FHIP1A: variants seen among roughly 807,000 people sequenced by gnomAD.
FHIP1A encodes the protein FHF complex subunit HOOK-interacting protein 1A.
In FHIP1A, 61 loss-of-function variants were observed where a neutral mutation model predicts 88.6. The observed-to-expected ratio is 0.69, with a 90% CI of 0.56 to 0.85. The LOEUF (loss-of-function observed/expected upper bound fraction) is 0.85, where lower values mean the gene tolerates loss of function less well. FHIP1A is among the 40% of genes least tolerant of loss of function. The pLI, the probability that FHIP1A is intolerant of heterozygous loss-of-function variation, is 0.00. For synonymous variants in FHIP1A, 478 were observed against 496.0 expected (o/e 0.96, Z 0.48); for missense variants, 1,154 against 1,273.5 (o/e 0.91, Z 1.43).
chr4:151,550,334 C>G (rs961815008), intron 3 of FHIP1A, among the ~76,000 whole-genome samples: 2 of 152,224 alleles, frequency 1.3e-5, no homozygotes, highest in South Asian at 4.1e-4. Flanking sequence ...CTTATTCATT[C>G]TTTCTATTTT....
At chr4:151,657,241 C>T (rs997820022) in intron 13 of FHIP1A, among the ~76,000 whole-genome samples, 1 of 152,100 alleles carries the variant, frequency 6.6e-6, no homozygotes, top group Non-Finnish European at 1.5e-5. Flanking sequence ...TATGCACTCT[C>T]CGAGCCATTT....
chr4:151,475,724 T>G (rs1729674280), intron 2 of FHIP1A, among the ~76,000 whole-genome samples: 1 of 152,156 alleles, frequency 6.6e-6, no homozygotes, highest in Admixed American at 6.5e-5. Flanking sequence ...TCGTACATAT[T>G]AAAAGAATAA....
At chr4:151,614,192 G>A (rs1449237394) in intron 7 of FHIP1A, among the ~76,000 whole-genome samples, 3 of 151,770 alleles carry the variant, frequency 2.0e-5, no homozygotes, top group Admixed American at 1.3e-4. Context: ...TATAAGGCCA[G>A]GCATGCTGGC....
intron 7 of FHIP1A, among the ~76,000 whole-genome samples, chr4:151,596,579 G>T (rs1023985949): frequency 7.9e-5 from 12 of 152,154 alleles, no homozygotes; most frequent in Admixed American, 2.6e-4. Context: ...GTCTTGCTAG[G>T]CTGGGGATGT....
At chr4:151,651,965 G>C (rs1737046842) in intron 11 of FHIP1A, among the ~76,000 whole-genome samples, 1 of 152,166 alleles carries the variant, frequency 6.6e-6, no homozygotes, top group African/African-American at 2.4e-5. Flanking sequence ...TGATAAGGGG[G>C]ACAGGGAAGG....
At chr4:151,586,878 G>A (rs1560784697) in intron 6 of FHIP1A, 79 bp downstream of exon 6, 25 of 1,109,130 alleles carry the variant, frequency 2.3e-5, no homozygotes, top group Non-Finnish European at 2.8e-5. Context: ...ATTTTAAAAC[G>A]TTCATTTTTT....
chr4:151,435,198 TG>T (rs1399828549), intron 1 of FHIP1A, among the ~76,000 whole-genome samples: 4 of 152,148 alleles, frequency 2.6e-5, no homozygotes, highest in Non-Finnish European at 5.9e-5. Context: ...TACTGTGCTG[TG>T]GAACACTGGA....
At chr4:151,606,343 G>A (rs554360557) in intron 7 of FHIP1A, among the ~76,000 whole-genome samples, 2 of 152,276 alleles carry the variant, frequency 1.3e-5, no homozygotes, top group South Asian at 4.2e-4. Context: ...TTTATGCCTG[G>A]TTTCCTATAA....
In FHIP1A at chr4:151,649,724, G is replaced by A. The variant is rs1736938738; in HGVS notation, c.1683G>A (p.Lys561=). 1.3e-6 allele frequency: 2 copies of A among 1,551,556 alleles called. No homozygotes were observed. The highest frequency in any genetic ancestry group is 2.0e-5 in the Admixed American group (1 of 50,988). ...GGCTCCCGCAACAACTCCCCAGGAA[G>A]ACAGGACCTCAGCTGGCTCCCAGAA... ...VFGLPQQLPR[K]TGPQLAPRKD... is the part of the protein sequence containing the mutation. The change falls in exon 11 of 14, where the codon AAG becomes AAA. Residue 561 remains lysine (K), a synonymous_variant. Transcript: ENST00000435205.
In FHIP1A at chr4:151,486,899, T is replaced by C. The variant is rs112720948; in HGVS notation, c.-123+4251T>C. The stretch of plus-strand genomic sequence containing the variant: ...AGGAGAATCACTTGAACCTGGGAGG[T>C]AGAGGTTGCAGTGAGCCGAGACTGC... On this transcript the variant is annotated intron_variant, in intron 3 of 13. Coordinates refer to ENST00000435205, the MANE Select transcript of FHIP1A (RefSeq NM_001109977.3). 3.4e-3 allele frequency among the ~76,000 whole-genome samples: 509 copies of C among 149,932 alleles called. 3 individuals carry two copies. The highest frequency in any genetic ancestry group is 0.012 in the African/African-American group (494 of 40,616).
intron 2 of FHIP1A, among the ~76,000 whole-genome samples, chr4:151,462,166 A>C (rs1382464665): frequency 6.6e-6 from 1 of 152,096 alleles, no homozygotes; most frequent in Non-Finnish European, 1.5e-5. Context: ...GTCTCTAAAA[A>C]ATAAAGTAAA....
intron 7 of FHIP1A, among the ~76,000 whole-genome samples, chr4:151,601,410 G>A (rs1034473954): frequency 6.6e-6 from 1 of 151,920 alleles, no homozygotes; most frequent in East Asian, 1.9e-4. Context: ...AGGTAGATAT[G>A]GTTCCTGTAG....
chr4:151,465,564 C>T (rs2035415392), intron 2 of FHIP1A, among the ~76,000 whole-genome samples: 1 of 152,168 alleles, frequency 6.6e-6, no homozygotes, highest in South Asian at 2.1e-4. Flanking sequence ...GGCAGAGATA[C>T]AACAGCAACA....
At chr4:151,513,258 A>AT (rs1731103556) in intron 3 of FHIP1A, among the ~76,000 whole-genome samples, 1 of 152,226 alleles carries the variant, frequency 6.6e-6, no homozygotes, top group Admixed American at 6.5e-5. Context: ...ATGCTGAGAG[A>AT]TTTTGTCACC....
At chr4:151,439,534 C>T (rs1465498976) in intron 1 of FHIP1A, among the ~76,000 whole-genome samples, 1 of 152,086 alleles carries the variant, frequency 6.6e-6, no homozygotes, top group Non-Finnish European at 1.5e-5. Context: ...TGGAACTCCC[C>T]CTTCTGCCCC....
chr4:151,502,602 G>A (rs1730694193), intron 3 of FHIP1A, among the ~76,000 whole-genome samples: 1 of 152,058 alleles, frequency 6.6e-6, no homozygotes, highest in African/African-American at 2.4e-5. Context: ...AGAAAAATGA[G>A]CAGAGCCTAA....
intron 2 of FHIP1A, among the ~76,000 whole-genome samples, chr4:151,461,473 T>C (rs565247209): frequency 2.4e-4 from 36 of 152,182 alleles, no homozygotes; most frequent in Admixed American, 1.9e-3. Flanking sequence ...TTCAAATAGC[T>C]AGAAGGTAAA....
chr4:151,623,521 CTTTTTTTTTT>C (rs747837424), intron 7 of FHIP1A, among the ~76,000 whole-genome samples: 1 of 88,222 alleles, frequency 1.1e-5, no homozygotes, highest in Non-Finnish European at 2.2e-5. Flanking sequence ...CTTCCTGGTC[CTTTTTTTTTT>C]TTTTTTTTTT....
chr4:151,506,361 A>C (rs1307292654), intron 3 of FHIP1A, among the ~76,000 whole-genome samples: 4 of 152,218 alleles, frequency 2.6e-5, no homozygotes, highest in African/African-American at 9.6e-5. Flanking sequence ...AATGAAAAGA[A>C]GTATATTGCA....
Sources: allele counts gnomAD v4.1 joint callset (sites outside exome capture counted in the v4.1 genomes callset), GRCh38; gene constraint gnomAD v4.1.1; transcripts MANE v1.5; gene names NCBI Gene and HGNC (gene_info 2026-07-23, HGNC 2026-07-21).